The following KANK1 variants were observed in gnomAD, a reference collection of about 807,000 sequenced individuals.
KANK1 encodes KN motif and ankyrin repeat domains 1.
KANK1 carries 109 observed loss-of-function variants against 106.2 expected under a neutral mutation model. That is an observed-to-expected ratio of 1.03 (90% CI 0.88 to 1.20). KANK1 has a LOEUF of 1.20. Among genes scored for constraint, KANK1 ranks in the 50% most tolerant of loss-of-function variants. KANK1 has a pLI of 0.00. For missense variants in KANK1, 2,399 were observed against 1,710.7 expected (o/e 1.40, Z -7.10); for synonymous variants, 873 against 652.2 (o/e 1.34, Z -5.16).
intron 2 of KANK1, among the ~76,000 whole-genome samples, chr9:684,897 T>A (rs1818252990): frequency 1.4e-5 from 2 of 145,804 alleles, no homozygotes; most frequent in South Asian, 4.4e-4. Context: ...TCTTGCTCTT[T>A]CCTGACCAAA....
chr9:588,106 A>G (rs936463011), intron 1 of KANK1, among the ~76,000 whole-genome samples: 2 of 151,684 alleles, frequency 1.3e-5, no homozygotes, highest in Non-Finnish European at 2.9e-5. Flanking sequence ...TGACTTGCCC[A>G]TGTTCACATA....
At chr9:706,877 T>C in intron 2 of KANK1, 1 of 985,376 alleles carries the variant, frequency 1.0e-6, no homozygotes. Context: ...CATGAAGCAG[T>C]GACTAGTATA....
intron 1 of KANK1, among the ~76,000 whole-genome samples, chr9:532,237 C>CT (rs34351693): frequency 0.087 from 9,358 of 107,742 alleles, 685 homozygotes; most frequent in African/African-American, 0.18. Flanking sequence ...GAGCATTTGT[C>CT]TTTTTTTTTT....
chr9:515,386 C>G (rs969034275), intron 1 of KANK1, among the ~76,000 whole-genome samples: 1 of 150,734 alleles, frequency 6.6e-6, no homozygotes, highest in African/African-American at 2.5e-5. Context: ...AAGAATTCAT[C>G]TAGAGACATT....
At chr9:665,555 G>A (rs1844374220) in intron 1 of KANK1, among the ~76,000 whole-genome samples, 1 of 152,176 alleles carries the variant, frequency 6.6e-6, no homozygotes, top group Non-Finnish European at 1.5e-5. Context: ...GTACCGTGCT[G>A]ATCTGGCTAC....
Position 596,605 on chromosome 9 carries a change from G to T in KANK1, c.-83-80285G>T, listed in dbSNP as rs1041181896. On this transcript the variant is annotated intron_variant, in intron 1 of 11. Transcript: ENST00000382297. ...AGAGAGGCAACGGGATTCAGAAGATGCCCGTTTACACTGGTACCACTGTCT... is the reference window on the plus strand; with the variant it reads ...AGAGAGGCAACGGGATTCAGAAGATTCCCGTTTACACTGGTACCACTGTCT... Among the ~76,000 whole-genome samples the T allele has an allele frequency of 1.4e-4, 21 of 151,702 alleles. 1 individual carries two copies. Among genetic ancestry groups the T allele is most frequent in the African/African-American group, 4.1e-4 (17 of 41,006 alleles).
intron 1 of KANK1, among the ~76,000 whole-genome samples, chr9:567,369 G>A (rs984582969): frequency 3.9e-5 from 6 of 152,296 alleles, no homozygotes; most frequent in East Asian, 3.9e-4. Flanking sequence ...TAACCTTGTG[G>A]TGTTTCATTA....
At chr9:484,994 G>T (rs1047365077) in intron 3 of KANK1, among the ~76,000 whole-genome samples, 9 of 152,184 alleles carry the variant, frequency 5.9e-5, no homozygotes, top group African/African-American at 2.2e-4. Context: ...GCCTATCCAG[G>T]CCCAGATTTG....
chr9:619,004 A>G (rs1391884192), intron 1 of KANK1, among the ~76,000 whole-genome samples: 1 of 152,208 alleles, frequency 6.6e-6, no homozygotes, highest in Non-Finnish European at 1.5e-5. Flanking sequence ...TTAAATGTGG[A>G]CTCTACATTT....
intron 3 of KANK1, among the ~76,000 whole-genome samples, chr9:493,339 C>G (rs988064998): frequency 2.0e-5 from 3 of 152,104 alleles, no homozygotes; most frequent in African/African-American, 7.2e-5. Flanking sequence ...GTTGCTGAGC[C>G]TCCTTAGAAG....
At position 608,784 on chromosome 9, in the gene KANK1, A is replaced by C. The variant is rs554533669; in HGVS notation, c.-83-68106A>C. Among the ~76,000 whole-genome samples, 6 of 152,330 alleles carry C rather than the reference A, an allele frequency of 3.9e-5. No individual in the cohort carries two copies. In the South Asian group the frequency reaches 1.2e-3, roughly 32 times the overall value. Reference sequence around the variant, plus strand: ...ATGAAGGCAACTCACAGAGTTACTTAACAACCTCCACCCCAGTTGATGGTC... The same window carrying C: ...ATGAAGGCAACTCACAGAGTTACTTCACAACCTCCACCCCAGTTGATGGTC... On this transcript the variant is annotated intron_variant, in intron 1 of 11. Coordinates refer to ENST00000382297, the MANE Select transcript of KANK1 (RefSeq NM_015158.5).
chr9:575,949 G>C (rs59363005), intron 1 of KANK1, among the ~76,000 whole-genome samples: 8,774 of 152,266 alleles, frequency 0.058, 854 homozygotes, highest in African/African-American at 0.2. Flanking sequence ...CTTGAACCCA[G>C]TATGTGGAGG....
At chr9:584,603 G>A (rs892685063) in intron 1 of KANK1, among the ~76,000 whole-genome samples, 5 of 152,188 alleles carry the variant, frequency 3.3e-5, no homozygotes, top group African/African-American at 1.2e-4. Flanking sequence ...TACAGCAGAA[G>A]AAGAATATAA....
intron 3 of KANK1, among the ~76,000 whole-genome samples, chr9:484,054 G>A (rs559779801): frequency 6.6e-6 from 1 of 152,204 alleles, no homozygotes; most frequent in African/African-American, 2.4e-5. Flanking sequence ...TTTGCACCAC[G>A]AGTAGTTCAC....
At chr9:684,640 G>C (rs571239705) in intron 2 of KANK1, 4 of 922,158 alleles carry the variant, frequency 4.3e-6, no homozygotes, top group Admixed American at 1.2e-4. Context: ...GGGTGGGCTA[G>C]CTGAGCCCAT....
intron 1 of KANK1, among the ~76,000 whole-genome samples, chr9:512,257 A>G (rs1342148145): frequency 1.7e-5 from 2 of 120,088 alleles, no homozygotes; most frequent in Non-Finnish European, 3.2e-5. Context: ...GTGTATGTAT[A>G]TACACACACA....
intron 1 of KANK1, among the ~76,000 whole-genome samples, chr9:650,502 A>T (rs182732811): frequency 4.6e-5 from 7 of 152,150 alleles, no homozygotes; most frequent in East Asian, 1.9e-4. Context: ...CTGCATTTCT[A>T]ACTAGCTGTA....
rs796090281 is a variant in KANK1, at chr9:619,309, T to C, written c.-83-57581T>C. Reference sequence around the variant, plus strand: ...TAAAACCATCACACTGTTTAGTTTATCTAGTTGGGTAGAAGAGGGGGCAAG... The same window carrying C: ...TAAAACCATCACACTGTTTAGTTTACCTAGTTGGGTAGAAGAGGGGGCAAG... On this transcript the variant is annotated intron_variant, in intron 1 of 11. Coordinates refer to ENST00000382297, the MANE Select transcript of KANK1 (RefSeq NM_015158.5). 6.8e-4 allele frequency among the ~76,000 whole-genome samples: 104 copies of C among 152,296 alleles called. 1 individual carries two copies. The highest frequency in any genetic ancestry group is 2.5e-3 in the African/African-American group (103 of 41,558).
upstream of KANK1, among the ~76,000 whole-genome samples, chr9:499,934 A>C (rs2058521707): frequency 6.6e-6 from 1 of 152,248 alleles, no homozygotes; most frequent in East Asian, 1.9e-4. Flanking sequence ...TTGGTGAAGA[A>C]GTGGTGAAGA....
Sources: allele counts gnomAD v4.1 joint callset (sites outside exome capture counted in the v4.1 genomes callset), GRCh38; gene constraint gnomAD v4.1.1; transcripts MANE v1.5; gene names NCBI Gene and HGNC (gene_info 2026-07-23, HGNC 2026-07-21).